Variants in GUSB observed in about 807,000 individuals in gnomAD.
The protein encoded by GUSB is beta-glucuronidase.
GUSB carries 51 observed loss-of-function variants against 74.6 expected under a neutral mutation model. The observed-to-expected ratio is 0.68, with a 90% CI of 0.55 to 0.86. GUSB has a LOEUF of 0.86. Among genes scored for constraint, GUSB ranks in the 40% least tolerant of loss-of-function variants. GUSB has a pLI of 0.00. For synonymous variants in GUSB, 360 were observed against 348.3 expected (o/e 1.03, Z -0.37); for missense variants, 736 against 853.7 (o/e 0.86, Z 1.72).
At position 65,964,336 on chromosome 7, in the gene GUSB, G is replaced by T. The variant is rs1403411065; in HGVS notation, c.1776C>A (p.Phe592Leu). The change falls in exon 11 of 12, where the codon TTC becomes TTA. Residue 592 changes from phenylalanine (F) to leucine (L), a missense_variant. Phe to Leu is a conservative substitution (Grantham distance 22). Coordinates refer to ENST00000304895, the MANE Select transcript of GUSB (RefSeq NM_000181.4). ...VGELIWNFAD[F>L]MTEQSPTRVL... ...ACTGCCACTTACACTGTTCAGTCAT[G>T]AAATCGGCAAAATTCCAAATGAGCT... The T allele has an allele frequency of 1.2e-6, 2 of 1,611,968 alleles. No homozygotes were observed. Among genetic ancestry groups the T allele is most frequent in the Admixed American group, 3.3e-5 (2 of 60,006 alleles).
At chr7:65,963,657 T>C (rs2115830013) in intron 11 of GUSB, among the ~76,000 whole-genome samples, 1 of 152,314 alleles carries the variant, frequency 6.6e-6, no homozygotes. Context: ...GTTATCCGCC[T>C]GCCTCAGCCT....
At position 65,979,492 on chromosome 7, in the gene GUSB, A is replaced by G. The variant is rs1791838170; in HGVS notation, c.631T>C (p.Tyr211His). 1 of 1,613,974 alleles carries G rather than the reference A, an allele frequency of 6.2e-7. No homozygotes were observed. The highest frequency in any genetic ancestry group is 8.5e-7 in the Non-Finnish European group (1 of 1,179,846). The change falls in exon 4 of 12, where the codon TAC becomes CAC. Residue 211 changes from tyrosine to histidine, a missense_variant. Physicochemically the swap from Tyr to His is moderately conservative, Grantham distance 83. Around this residue, in one of 2 missense-constraint regions of GUSB, gnomAD observed 368 missense variants for 363.8 expected, o/e 1.01. Coordinates refer to ENST00000304895, the MANE Select transcript of GUSB (RefSeq NM_000181.4). ...AGTACAGACCGCTGCAGTCCAGCGT[A>G]GTTGAAAAAGTCAAAATATGTGTTC... is the stretch of plus-strand genomic sequence containing the variant. ...VQNTYFDFFN[Y>H]AGLQRSVLLY...
At chr7:65,964,097 C>A (rs1467586977) in intron 11 of GUSB, 28 of 573,312 alleles carry the variant, frequency 4.9e-5, no homozygotes, top group Non-Finnish European at 8.6e-5. Context: ...AGCTGACTCT[C>A]CTGTTTGCTT....
At chr7:65,962,150 G>C (rs17138062) in intron 11 of GUSB, among the ~76,000 whole-genome samples, 10,796 of 152,250 alleles carry the variant, frequency 0.071, 1,267 homozygotes, top group African/African-American at 0.24. Flanking sequence ...TTTCTGAAGA[G>C]ATAGCGCCTA....
chr7:65,963,989 A>G (rs1790666559), intron 11 of GUSB, among the ~76,000 whole-genome samples: 1 of 152,230 alleles, frequency 6.6e-6, no homozygotes, highest in Non-Finnish European at 1.5e-5. Context: ...TAATGAGTGT[A>G]TCCCAAAAGT....
chr7:65,974,044 C>T (rs1013168487), intron 8 of GUSB, among the ~76,000 whole-genome samples: 15 of 151,024 alleles, frequency 9.9e-5, no homozygotes, highest in African/African-American at 3.2e-4. Flanking sequence ...TTGTAATGAG[C>T]GGAGATCACC....
chr7:65,982,082 C>A lies in GUSB; in HGVS notation c.102G>T (p.Pro34=). Residue 34 remains proline, a synonymous_variant, in exon 1 of 12, where the codon CCG becomes CCT. Coordinates refer to ENST00000304895, the MANE Select transcript of GUSB (RefSeq NM_000181.4). ...CGTCCAGCTCCTTGCACTCCCGCGA[C>A]GGGCTCTCCTGGGGGTACAGCATCC... The part of the protein sequence containing the change: ...QGGMLYPQES[P]SRECKELDGL... 5 of 1,607,216 alleles carry A rather than the reference C, an allele frequency of 3.1e-6. No homozygotes were observed. Among genetic ancestry groups the A allele is most frequent in the Non-Finnish European group, 4.2e-6 (5 of 1,177,830 alleles).
At chr7:65,974,897 G>A (rs781730954) in intron 6 of GUSB, 22 bp downstream of exon 6, 3 of 1,612,274 alleles carry the variant, frequency 1.9e-6, no homozygotes, top group Admixed American at 1.7e-5. Context: ...GCCCCGACAA[G>A]GACCCAGGAG....
At chr7:65,961,117 A>C in intron 11 of GUSB, 54 bp from the exon 12 acceptor site, 3 of 1,518,000 alleles carry the variant, frequency 2.0e-6, no homozygotes, top group Non-Finnish European at 2.7e-6. Context: ...TGATGGGTCA[A>C]GTTAGAACCA....
chr7:65,973,659 A>C (rs1269987069), intron 8 of GUSB, among the ~76,000 whole-genome samples: 1 of 152,208 alleles, frequency 6.6e-6, no homozygotes, highest in African/African-American at 2.4e-5. Context: ...CGGGAGGCTG[A>C]GGCTGGAGAA....
At chr7:65,977,756 GCC>G (rs1402789849) in intron 4 of GUSB, among the ~76,000 whole-genome samples, 1 of 151,692 alleles carries the variant, frequency 6.6e-6, no homozygotes, top group African/African-American at 2.4e-5. Context: ...CTGCACTCCA[GCC>G]TGGGCCACAG....
intron 10 of GUSB, 41 bp from the exon 11 acceptor site, chr7:65,964,499 C>A: frequency 6.3e-7 from 1 of 1,593,384 alleles, no homozygotes; most frequent in Non-Finnish European, 8.6e-7. Context: ...TCAGAACTGG[C>A]AGAATTGTAA....
chr7:65,978,707 G>A (rs869284435), intron 4 of GUSB, among the ~76,000 whole-genome samples: 1 of 151,818 alleles, frequency 6.6e-6, no homozygotes, highest in Non-Finnish European at 1.5e-5. Flanking sequence ...GGGAGGCAGA[G>A]GTTGCAGTGA....
rs766968949 is a variant in GUSB at position 65,974,731 on chromosome 7, CCT to C, written c.1066-29_1066-28del. 1.9e-5 allele frequency: 30 copies of C among 1,610,736 alleles called. No homozygotes were observed. The Admixed American group carries it at 4.2e-4, about 22-fold the overall frequency. ...TAGGAGATAGCAGAGCCAAGTGACC[CCT>C]GTCCCTGTCGAAGCTGCACTTCCTC... On this transcript the variant is annotated intron_variant, in intron 6 of 11. Transcript: ENST00000304895.
Position 65,982,193 on chromosome 7 carries a change from T to A in GUSB, c.-10A>T, listed in dbSNP as rs540793200. The A allele has an allele frequency of 7.9e-5, 118 of 1,501,700 alleles. 2 individuals carry two copies. In the Middle Eastern group the frequency reaches 3.0e-3, roughly 38 times the overall value. The allele number at this position is 1,501,700 out of a possible 1,614,324, so 93.0% of individuals were successfully genotyped here. A position where few individuals can be genotyped will look rare whatever the true frequency, so the allele number is the denominator to read the frequency against. ...CCGACCCCCGGGCCATGCTTCCCGG[T>A]CCCCCGCTCGGCCACCGTCTGCGGC... On this transcript the variant is annotated 5_prime_UTR_variant, in exon 1 of 12. Coordinates refer to ENST00000304895, the MANE Select transcript of GUSB (RefSeq NM_000181.4).
chr7:65,976,857 GC>G (rs1791614063), intron 4 of GUSB, among the ~76,000 whole-genome samples: 1 of 151,952 alleles, frequency 6.6e-6, no homozygotes, highest in Non-Finnish European at 1.5e-5. Context: ...TGGGAGGATT[GC>G]TTGAGCCAGG....
At position 65,974,304 on chromosome 7, in the gene GUSB, T is replaced by C; in HGVS notation, c.1382A>G (p.Tyr461Cys). ...EPASHLESAGYYLKMVIAHTK... is the reference protein window; with the variant it reads ...EPASHLESAGCYLKMVIAHTK... ...GGGAGGGAGCACTCACTTCAAGTAG[T>C]AGCCAGCAGATTCTAGGTGGGACGC... Residue 461 changes from tyrosine (Y) to cysteine (C), a missense_variant, in exon 8 of 12, where the codon TAC (tyrosine) becomes TGC (cysteine). Around this residue, in one of 2 missense-constraint regions of GUSB, gnomAD observed 368 missense variants for 489.9 expected, o/e 0.75. Coordinates refer to ENST00000304895, the MANE Select transcript of GUSB (RefSeq NM_000181.4). 6.2e-7 allele frequency: 1 copy of C among 1,613,972 alleles called. No homozygotes were observed. Among genetic ancestry groups the C allele is most frequent in the Non-Finnish European group, 8.5e-7 (1 of 1,179,972 alleles).
At chr7:65,965,183 A>C (rs1457266145) in intron 10 of GUSB, among the ~76,000 whole-genome samples, 1 of 152,078 alleles carries the variant, frequency 6.6e-6, no homozygotes, top group African/African-American at 2.4e-5. Context: ...AGACAGGAGG[A>C]TCACTTCAGC....
At chr7:65,979,074 C>A (rs61240358) in intron 4 of GUSB, among the ~76,000 whole-genome samples, 7 of 152,206 alleles carry the variant, frequency 4.6e-5, no homozygotes, top group South Asian at 2.1e-4. Context: ...CGGCGCCCCC[C>A]CCACCGAAGC....
Sources: gnomAD v4.1 joint callset for allele counts (sites outside exome capture counted in the v4.1 genomes callset) on GRCh38, gnomAD v4.1.1 for gene constraint, gnomAD v4.1.1 regional missense constraint, MANE v1.5 for transcripts, NCBI Gene and HGNC (gene_info 2026-07-23, HGNC 2026-07-21) for gene names.